The following LARGE1 variants were observed in gnomAD, a reference collection of about 807,000 sequenced individuals.
The protein encoded by LARGE1 is LARGE xylosyl- and glucuronyltransferase 1.
In LARGE1, 43 loss-of-function variants were observed where a neutral mutation model predicts 87.6. That is an observed-to-expected ratio of 0.49 (90% confidence interval 0.38 to 0.63). The LOEUF (loss-of-function observed/expected upper bound fraction) is 0.63, where lower values mean the gene tolerates loss of function less well. LARGE1 is among the 30% of genes least tolerant of loss of function. LARGE1 has a pLI of 0.00. For missense variants in LARGE1, 802 were observed against 1,000.2 expected, an observed-to-expected ratio of 0.80 and a Z score of 2.67; for synonymous variants, 434 against 394.6, an observed-to-expected ratio of 1.10 and a Z score of -1.18.
At chr22:33,616,508 G>C (rs1241188740) in intron 4 of LARGE1, among the ~76,000 whole-genome samples, 1 of 151,874 alleles carries the variant, frequency 6.6e-6, no homozygotes, top group Non-Finnish European at 1.5e-5. Context: ...CTCCAGCCTG[G>C]GCAATGGAGC....
rs71187279 is a variant in LARGE1, at chr22:33,763,838, CTTTTTTTTTTTT to C, written c.-82-2292_-82-2281del. On this transcript the variant is annotated intron_variant, in intron 1 of 14. Coordinates refer to ENST00000397394, the MANE Select transcript of LARGE1 (RefSeq NM_133642.5). ...CAGAAAAGCAGCCTTAATTAGTTTGCTTTTTTTTTTTTTTTTTTTTTTTTTTTTTTGAGACAG... is the reference window on the plus strand; with the variant it reads ...CAGAAAAGCAGCCTTAATTAGTTTGCTTTTTTTTTTTTTTTTTTGAGACAG... Among the ~76,000 whole-genome samples, 222 of 71,192 alleles carry C rather than the reference CTTTTTTTTTTTT, an allele frequency of 3.1e-3. 2 individuals carry two copies. The highest frequency in any genetic ancestry group is 4.4e-3 in the Non-Finnish European group (177 of 39,830). 46.7% of individuals were successfully genotyped at this position (71,192 alleles called of 152,430 possible).
At chr22:33,491,459 G>A (rs1310383450) in intron 6 of LARGE1, among the ~76,000 whole-genome samples, 4 of 152,126 alleles carry the variant, frequency 2.6e-5, no homozygotes, top group South Asian at 4.1e-4. Flanking sequence ...TTTCCCAACT[G>A]AGCTATCCCA....
intron 1 of LARGE1, among the ~76,000 whole-genome samples, chr22:33,882,017 C>T (rs1018195522): frequency 2.0e-5 from 3 of 150,422 alleles, no homozygotes; most frequent in Non-Finnish European, 3.0e-5. Flanking sequence ...ATTATCTTTG[C>T]GGGGTTTTTT....
the LARGE1 span, among the ~76,000 whole-genome samples, chr22:33,154,592 C>T: frequency 5.7e-4 from 86 of 152,172 alleles, no homozygotes; most frequent in African/African-American, 1.6e-3. Flanking sequence ...TCTGTGACTA[C>T]GCTTTCTCTG....
chr22:33,848,726 T>C (rs2063501472), intron 1 of LARGE1, among the ~76,000 whole-genome samples: 1 of 152,174 alleles, frequency 6.6e-6, no homozygotes, highest in South Asian at 2.1e-4. Flanking sequence ...ATTCAGTTAA[T>C]TACTCAAGAC....
In LARGE1 at chr22:33,197,635, G is replaced by A. The variant is rs1181163501; in HGVS notation, c.1731-30803C>T. 3.9e-5 allele frequency among the ~76,000 whole-genome samples: 6 copies of A among 152,062 alleles called. No individual in the cohort carries two copies. In the East Asian group the frequency reaches 1.2e-3, roughly 29 times the overall value. ...CAGAGTACTGTTGAGAGAACTTAAA[G>A]AAGTTCTAAATAAATGAAGATACAT... On this transcript the variant is annotated intron_variant, in intron 11 of 11. Transcript: ENST00000608642.
At chr22:33,801,761 T>C (rs2086167550) in intron 1 of LARGE1, among the ~76,000 whole-genome samples, 1 of 152,144 alleles carries the variant, frequency 6.6e-6, no homozygotes, top group Admixed American at 6.5e-5. Context: ...CCAACTCCTT[T>C]TAAAATCCAA....
In LARGE1 at chr22:33,667,828, C is replaced by A. The variant is rs183371303; in HGVS notation, c.107-17160G>T. Among the ~76,000 whole-genome samples, 14 of 152,348 alleles carry A rather than the reference C, an allele frequency of 9.2e-5. No individual in the cohort carries two copies. In the East Asian group the frequency reaches 2.1e-3, roughly 23 times the overall value. On this transcript the variant is annotated intron_variant, in intron 2 of 14. Transcript: ENST00000397394. The stretch of plus-strand genomic sequence containing the variant: ...TTTGGTTATGGGGCAAAGGCCTTTT[C>A]TATAAGGACATGCCCGCTGTCTGAA...
At chr22:33,783,165 G>A (rs959719275) in intron 1 of LARGE1, among the ~76,000 whole-genome samples, 7 of 151,890 alleles carry the variant, frequency 4.6e-5, no homozygotes, top group African/African-American at 1.5e-4. Flanking sequence ...AGCAAAACAC[G>A]TTAATCCACT....
chr22:33,716,988 T>C (rs2082929725), intron 2 of LARGE1, among the ~76,000 whole-genome samples: 1 of 152,214 alleles, frequency 6.6e-6, no homozygotes, highest in African/African-American at 2.4e-5. Flanking sequence ...TTTAAACCAT[T>C]AAACAACTTA....
At chr22:33,808,612 G>T (rs2086389826) in intron 1 of LARGE1, among the ~76,000 whole-genome samples, 1 of 152,218 alleles carries the variant, frequency 6.6e-6, no homozygotes, top group Non-Finnish European at 1.5e-5. Flanking sequence ...GAAGAATAAA[G>T]CCCCGTATTC....
intron 1 of LARGE1, among the ~76,000 whole-genome samples, chr22:33,768,551 G>C (rs567297427): frequency 6.6e-6 from 1 of 151,998 alleles, no homozygotes; most frequent in Non-Finnish European, 1.5e-5. Flanking sequence ...GCTTCTATAG[G>C]ACTTCTCTGT....
intron 1 of LARGE1, among the ~76,000 whole-genome samples, chr22:33,794,093 G>T (rs1228729227): frequency 6.6e-6 from 1 of 152,096 alleles, no homozygotes; most frequent in African/African-American, 2.4e-5. Context: ...TGCTAGATGG[G>T]ATGCCCAACC....
chr22:33,740,109 A>AC (rs2083822712), intron 2 of LARGE1, among the ~76,000 whole-genome samples: 1 of 152,096 alleles, frequency 6.6e-6, no homozygotes, highest in Admixed American at 6.5e-5. Flanking sequence ...CAGCACACAG[A>AC]CCTTGACCAT....
At chr22:33,784,418 C>G (rs183253040) in intron 1 of LARGE1, among the ~76,000 whole-genome samples, 2 of 152,250 alleles carry the variant, frequency 1.3e-5, no homozygotes, top group East Asian at 1.9e-4. Flanking sequence ...CAATCTGACT[C>G]CAGAATGTCT....
intron 7 of LARGE1, among the ~76,000 whole-genome samples, chr22:33,412,653 T>C (rs549749584): frequency 3.3e-5 from 5 of 152,302 alleles, no homozygotes; most frequent in Middle Eastern, 3.4e-3. Flanking sequence ...TGATTTTTAT[T>C]TTATTTTATG....
intron 6 of LARGE1, among the ~76,000 whole-genome samples, chr22:33,528,695 C>T (rs1463182316): frequency 6.6e-6 from 1 of 151,962 alleles, no homozygotes; most frequent in Admixed American, 6.6e-5. Context: ...TTTGTCAATC[C>T]CTTGCAGAAG....
At chr22:33,665,503 C>G (rs1405257524) in intron 2 of LARGE1, among the ~76,000 whole-genome samples, 2 of 152,204 alleles carry the variant, frequency 1.3e-5, no homozygotes, top group East Asian at 3.8e-4. Flanking sequence ...TTAGGGCTCC[C>G]TTACTGACCA....
intron 10 of LARGE1, among the ~76,000 whole-genome samples, chr22:33,323,639 A>G (rs1408240293): frequency 6.6e-6 from 1 of 152,236 alleles, no homozygotes; most frequent in Non-Finnish European, 1.5e-5. Flanking sequence ...AAGGAAAAAG[A>G]AAAACCCACT....
Sources: allele counts gnomAD v4.1 joint callset (sites outside exome capture counted in the v4.1 genomes callset), GRCh38; gene constraint gnomAD v4.1.1; transcripts MANE v1.5; gene names NCBI Gene and HGNC (gene_info 2026-07-23, HGNC 2026-07-21).